MSRB2: variants seen among roughly 807,000 people sequenced by gnomAD.
MSRB2 encodes methionine sulfoxide reductase B2.
In MSRB2, 17 loss-of-function variants were observed where a neutral mutation model predicts 19.0. The ratio of observed to expected loss-of-function variants is 0.89; its 90% CI spans 0.61 to 1.34. MSRB2 has a LOEUF of 1.34. MSRB2 is among the 40% of genes most tolerant of loss of function. The pLI, the probability that MSRB2 is intolerant of heterozygous loss-of-function variation, is 0.00. For missense variants in MSRB2, 208 were observed against 237.6 expected (o/e 0.88, Z 0.82); for synonymous variants, 107 against 99.7 (o/e 1.07, Z -0.44).
At chr10:23,095,846 T>A in intron 1 of MSRB2, 120 bp downstream of exon 1, 2 of 556,432 alleles carry the variant, frequency 3.6e-6, no homozygotes, top group South Asian at 8.9e-5. Flanking sequence ...TAAGCCCTCC[T>A]CGGCGCGCCC....
At chr10:23,099,004 CT>C (rs1343367451) in intron 1 of MSRB2, among the ~76,000 whole-genome samples, 4 of 152,194 alleles carry the variant, frequency 2.6e-5, no homozygotes. Context: ...GCGGCCTTTT[CT>C]CTGCTGTCCC....
chr10:23,111,839 A>T (rs368639088), intron 3 of MSRB2, among the ~76,000 whole-genome samples: 3 of 20,944 alleles, frequency 1.4e-4, no homozygotes, highest in African/African-American at 5.0e-4. Flanking sequence ...ATTTAAACTT[A>T]AATTTAATTT....
chr10:23,105,423 T>G (rs1283121037), intron 2 of MSRB2, among the ~76,000 whole-genome samples: 1 of 152,162 alleles, frequency 6.6e-6, no homozygotes, highest in Non-Finnish European at 1.5e-5. Flanking sequence ...TTTGTGGACT[T>G]TAAGCCACTC....
At chr10:23,111,555 C>T (rs1840053593) in intron 3 of MSRB2, among the ~76,000 whole-genome samples, 1 of 152,192 alleles carries the variant, frequency 6.6e-6, no homozygotes. Context: ...GTTCCGGTTT[C>T]TGCATCTGAA....
rs111946662 is a variant in MSRB2, at chr10:23,113,937, C to A, written c.296+3619C>A. 2.0e-3 allele frequency among the ~76,000 whole-genome samples: 310 copies of A among 152,270 alleles called. 4 individuals are homozygous for A. The highest frequency in any genetic ancestry group is 7.1e-3 in the African/African-American group (293 of 41,542). On this transcript the variant is annotated intron_variant, in intron 3 of 4. Coordinates refer to ENST00000376510, the MANE Select transcript of MSRB2 (RefSeq NM_012228.4). The stretch of plus-strand genomic sequence containing the variant: ...AGAGAGTACCACCCATTTTGTGGTA[C>A]TTTGTTACAGCCACCTTGGAAACTA...
intron 1 of MSRB2, among the ~76,000 whole-genome samples, chr10:23,099,308 C>T (rs2131621248): frequency 6.6e-6 from 1 of 152,330 alleles, no homozygotes; most frequent in East Asian, 1.9e-4. Flanking sequence ...AGTCTGTCTG[C>T]CCTTGACTGA....
chr10:23,115,131 C>T (rs1326983724), intron 3 of MSRB2, among the ~76,000 whole-genome samples: 2 of 152,116 alleles, frequency 1.3e-5, no homozygotes, highest in Admixed American at 1.3e-4. Context: ...CCAAATCAGA[C>T]ACCTTTAATC....
chr10:23,109,155 G>A (rs1251790056), intron 2 of MSRB2, among the ~76,000 whole-genome samples: 1 of 152,184 alleles, frequency 6.6e-6, no homozygotes, highest in Non-Finnish European at 1.5e-5. Context: ...CAGGCCCTGT[G>A]ATAGCGGATC....
intron 1 of MSRB2, among the ~76,000 whole-genome samples, chr10:23,103,252 C>T (rs1375838035): frequency 1.3e-5 from 2 of 152,096 alleles, no homozygotes; most frequent in African/African-American, 4.8e-5. Context: ...TAACTTCTGA[C>T]GTGTTTGATA....
Position 23,119,460 on chromosome 10 carries a change from T to A in MSRB2, c.444+9T>A, listed in dbSNP as rs748360047. On this transcript the variant is annotated intron_variant, in intron 4 of 4. Coordinates refer to ENST00000376510, the MANE Select transcript of MSRB2 (RefSeq NM_012228.4). ...AGGTTGTCTGCAAGCAGGTGAGGTTTCTCATTTTGTTTTACTTTCCCTGAT... is the reference window on the plus strand; with the variant it reads ...AGGTTGTCTGCAAGCAGGTGAGGTTACTCATTTTGTTTTACTTTCCCTGAT... 6.2e-7 allele frequency: 1 copy of A among 1,609,926 alleles called. No homozygotes were observed. The highest frequency in any genetic ancestry group is 8.5e-7 in the Non-Finnish European group (1 of 1,177,230).
At chr10:23,110,148 T>G (rs1393154429) in intron 2 of MSRB2, 94 bp from the exon 3 acceptor site, 1 of 928,522 alleles carries the variant, frequency 1.1e-6, no homozygotes, top group Non-Finnish European at 1.7e-6. Flanking sequence ...AGAAATTCCT[T>G]GATTTGGGGA....
chr10:23,114,653 C>T (rs1003043871), intron 3 of MSRB2, among the ~76,000 whole-genome samples: 3 of 152,210 alleles, frequency 2.0e-5, no homozygotes, highest in Admixed American at 6.5e-5. Context: ...TCTGGGCACG[C>T]GGCAGGTGCC....
chr10:23,120,756 A>T lies in MSRB2; in HGVS notation c.445-2A>T, dbSNP rs751482274. 1 of 1,611,256 alleles carries T rather than the reference A, an allele frequency of 6.2e-7. No individual in the cohort carries two copies. Among genetic ancestry groups the T allele is most frequent in the East Asian group, 2.2e-5 (1 of 44,856 alleles). On this transcript the variant is annotated splice_acceptor_variant, in intron 4 of 4. Coordinates refer to ENST00000376510, the MANE Select transcript of MSRB2 (RefSeq NM_012228.4). LOFTEE classifies it high-confidence loss of function. The stretch of plus-strand genomic sequence containing the variant: ...GATGACAGAGGCTTCTGTCCTTTGC[A>T]GTGTGAAGCTCATCTAGGTCACGTG...
intron 3 of MSRB2, among the ~76,000 whole-genome samples, chr10:23,115,317 T>C (rs1779471648): frequency 6.6e-6 from 1 of 152,228 alleles, no homozygotes; most frequent in Admixed American, 6.5e-5. Flanking sequence ...TTAAAATCTA[T>C]TGTGGGATCA....
In MSRB2 at chr10:23,110,239, C is replaced by G; in HGVS notation, c.220-3C>G. On this transcript the variant is annotated splice_polypyrimidine_tract_variant and splice_region_variant and intron_variant, in intron 2 of 4. Coordinates refer to ENST00000376510, the MANE Select transcript of MSRB2 (RefSeq NM_012228.4). ...GAACATGACATATCTAATTTACTTT[C>G]AGCCTTTCAGTGGGATCTACCTGAA... is the stretch of plus-strand genomic sequence containing the variant. 1 of 1,612,072 alleles carries G rather than the reference C, an allele frequency of 6.2e-7. No individual in the cohort carries two copies. Among genetic ancestry groups the G allele is most frequent in the Non-Finnish European group, 8.5e-7 (1 of 1,178,396 alleles).
intron 3 of MSRB2, among the ~76,000 whole-genome samples, chr10:23,115,038 C>T (rs1840096952): frequency 6.6e-6 from 1 of 152,164 alleles, no homozygotes; most frequent in Non-Finnish European, 1.5e-5. Context: ...CAGCCTCATC[C>T]ACCAGACTTA....
chr10:23,114,885 G>A (rs758987967), intron 3 of MSRB2, among the ~76,000 whole-genome samples: 4 of 152,144 alleles, frequency 2.6e-5, no homozygotes, highest in Non-Finnish European at 4.4e-5. Context: ...AGCCACACGG[G>A]CAGCTCCGTT....
chr10:23,103,013 C>A (rs897593938), intron 1 of MSRB2, among the ~76,000 whole-genome samples: 1 of 151,864 alleles, frequency 6.6e-6, no homozygotes, highest in African/African-American at 2.4e-5. Context: ...ATAAAAGATA[C>A]CTCCTAGGGG....
At chr10:23,097,332 G>A (rs1030198894) in intron 1 of MSRB2, among the ~76,000 whole-genome samples, 1 of 152,192 alleles carries the variant, frequency 6.6e-6, no homozygotes, top group East Asian at 1.9e-4. Flanking sequence ...GCAAAACACC[G>A]TGGACTGGGT....
Sources: allele counts gnomAD v4.1 joint callset (sites outside exome capture counted in the v4.1 genomes callset), GRCh38; gene constraint gnomAD v4.1.1; transcripts MANE v1.5; gene names NCBI Gene and HGNC (gene_info 2026-07-23, HGNC 2026-07-21).